Variants in KDM4C observed in about 807,000 individuals in gnomAD.
KDM4C encodes the protein lysine-specific demethylase 4C.
A neutral mutation model predicts 129.3 loss-of-function variants in KDM4C; 81 were observed. The observed-to-expected ratio is 0.63, with a 90% CI of 0.52 to 0.75. KDM4C has a LOEUF of 0.75. Ranked by LOEUF, KDM4C falls within the 30% of genes least tolerant of loss-of-function variation. The probability of loss-of-function intolerance (pLI) is 0.00; values close to 1 mark genes in which losing one functional copy is unlikely to be tolerated. For missense variants in KDM4C, 1,457 were observed against 1,304.0 expected (o/e 1.12, Z -1.81); for synonymous variants, 573 against 456.1 (o/e 1.26, Z -3.26).
intron 8 of KDM4C, among the ~76,000 whole-genome samples, chr9:6,971,566 A>G (rs1279787509): frequency 2.0e-5 from 3 of 152,202 alleles, no homozygotes; most frequent in East Asian, 1.9e-4. Context: ...CATTACATCA[A>G]TGATGATTCT....
rs149941582 is a variant in KDM4C at position 6,953,196 on chromosome 9, C to A, written c.922-27729C>A. Among the ~76,000 whole-genome samples the A allele has an allele frequency of 3.2e-3, 485 of 152,288 alleles. 2 individuals are homozygous for A. The highest frequency in any genetic ancestry group is 0.01 in the African/African-American group (431 of 41,562). On this transcript the variant is annotated intron_variant, in intron 8 of 21. Transcript: ENST00000381309. ...ATGAATGGATATTTATTATGAAAAGCATCAGACATCTCCCTTTCACTCAAA... is the reference window on the plus strand; with the variant it reads ...ATGAATGGATATTTATTATGAAAAGAATCAGACATCTCCCTTTCACTCAAA...
chr9:6,855,219 G>T (rs890969465), intron 5 of KDM4C, among the ~76,000 whole-genome samples: 3 of 152,138 alleles, frequency 2.0e-5, no homozygotes, highest in African/African-American at 4.8e-5. Flanking sequence ...CCAGCACTTT[G>T]GGAGGCTGAG....
intron 19 of KDM4C, among the ~76,000 whole-genome samples, chr9:7,163,370 G>A (rs1844011591): frequency 6.6e-6 from 1 of 152,160 alleles, no homozygotes; most frequent in South Asian, 2.1e-4. Flanking sequence ...GCACTGCAGA[G>A]CACCATGGCA....
chr9:6,730,528 TG>T (rs1656133968), intron 1 of KDM4C, among the ~76,000 whole-genome samples: 1 of 150,616 alleles, frequency 6.6e-6, no homozygotes, highest in Non-Finnish European at 1.5e-5. Context: ...GGCAGGAGAA[TG>T]GCGTGAACCC....
intron 8 of KDM4C, among the ~76,000 whole-genome samples, chr9:6,899,325 G>A (rs192721334): frequency 6.6e-6 from 1 of 152,078 alleles, no homozygotes. Flanking sequence ...CTACAATGAT[G>A]CATCATTATC....
chr9:6,951,080 G>C (rs895695446), intron 8 of KDM4C, among the ~76,000 whole-genome samples: 7 of 150,914 alleles, frequency 4.6e-5, no homozygotes, highest in African/African-American at 1.7e-4. Context: ...ATATTCATTG[G>C]GTACATAGTG....
Position 7,020,850 on chromosome 9 carries a change from C to T in KDM4C, c.2259+4921C>T, listed in dbSNP as rs142108048. ...ACTCATTGCGTTACTTTAAAATGTA[C>T]AATTAAATTATTTTTGACTGTAGTC... On this transcript the variant is annotated intron_variant, in intron 15 of 21. Transcript: ENST00000381309. Among the ~76,000 whole-genome samples, 131 of 151,476 alleles carry T rather than the reference C, an allele frequency of 8.6e-4. 1 individual carries two copies. The highest frequency in any genetic ancestry group is 2.9e-3 in the African/African-American group (121 of 41,358).
At chr9:6,930,416 G>A (rs11788187) in intron 8 of KDM4C, among the ~76,000 whole-genome samples, 38,294 of 151,548 alleles carry the variant, frequency 0.25, 5,342 homozygotes, top group South Asian at 0.39. Flanking sequence ...TAAAGCACGC[G>A]TTGAATTTAG....
chr9:7,030,574 G>A (rs1826561073), intron 15 of KDM4C, among the ~76,000 whole-genome samples: 1 of 152,004 alleles, frequency 6.6e-6, no homozygotes, highest in Admixed American at 6.6e-5. Context: ...AGAGATAATT[G>A]GGAAGTTTCT....
chr9:6,742,122 G>A (rs1164595148), intron 1 of KDM4C, among the ~76,000 whole-genome samples: 5 of 151,830 alleles, frequency 3.3e-5, no homozygotes, highest in East Asian at 1.9e-4. Flanking sequence ...AGAGGTGTGT[G>A]CCACCATGCC....
Position 6,880,046 on chromosome 9 carries a change from G to T in KDM4C, c.664G>T (p.Glu222Ter). The T allele has an allele frequency of 6.2e-7, 1 of 1,600,352 alleles. No homozygotes were observed. Among genetic ancestry groups the T allele is most frequent in the South Asian group, 1.1e-5 (1 of 89,340 alleles). ...AIPPEHGKRLERLAQGFFPSS... is the reference protein window; with the variant it reads ...AIPPEHGKRL The stretch of plus-strand genomic sequence containing the variant: ...ACCTCCGGAGCATGGAAAACGACTT[G>T]AAAGACTAGCTCAAGGTAAAACTTG... Residue 222 changes from glutamate to a stop codon, truncating the protein, a stop_gained, in exon 6 of 22, where the codon GAA (glutamate) becomes TAA (stop). Coordinates refer to ENST00000381309, the MANE Select transcript of KDM4C (RefSeq NM_015061.6). LOFTEE classifies it high-confidence loss of function.
intron 17 of KDM4C, among the ~76,000 whole-genome samples, chr9:7,055,796 C>T (rs545069973): frequency 6.6e-6 from 1 of 152,260 alleles, no homozygotes; most frequent in East Asian, 1.9e-4. Flanking sequence ...ATAGGGTCTG[C>T]CTCTTGTGCT....
chr9:7,136,758 C>T (rs185304244), intron 19 of KDM4C, among the ~76,000 whole-genome samples: 138 of 152,292 alleles, frequency 9.1e-4, no homozygotes, highest in Admixed American at 2.8e-3. Context: ...AACACTTTCT[C>T]CTGGTTCGTG....
At chr9:6,819,287 T>C (rs1356340116) in intron 4 of KDM4C, among the ~76,000 whole-genome samples, 1 of 152,238 alleles carries the variant, frequency 6.6e-6, no homozygotes, top group Non-Finnish European at 1.5e-5. Flanking sequence ...GCTTATCAAT[T>C]TACTGCTTGT....
intron 4 of KDM4C, among the ~76,000 whole-genome samples, chr9:6,828,501 C>T (rs1373834242): frequency 6.6e-6 from 1 of 152,072 alleles, no homozygotes; most frequent in African/African-American, 2.4e-5. Context: ...GTTGGGCTGC[C>T]ACTTGAGGTA....
chr9:6,800,534 C>CA (rs932367061), intron 2 of KDM4C, among the ~76,000 whole-genome samples: 6 of 149,398 alleles, frequency 4.0e-5, no homozygotes, highest in African/African-American at 4.9e-5. Flanking sequence ...GTCCCTGTCT[C>CA]AAAAAAAAAG....
intron 18 of KDM4C, among the ~76,000 whole-genome samples, chr9:7,111,420 A>G (rs1339124637): frequency 6.6e-6 from 1 of 152,208 alleles, no homozygotes; most frequent in African/African-American, 2.4e-5. Context: ...TCTGCTCCCA[A>G]GCATTTTGGA....
intron 17 of KDM4C, among the ~76,000 whole-genome samples, chr9:7,055,285 C>G (rs1031427391): frequency 2.6e-5 from 4 of 152,144 alleles, no homozygotes; most frequent in African/African-American, 9.7e-5. Flanking sequence ...TTAGACCTTT[C>G]TAGGACTTTT....
intron 1 of KDM4C, among the ~76,000 whole-genome samples, chr9:6,731,325 CTTTT>C (rs34724329): frequency 6.0e-4 from 68 of 114,024 alleles, no homozygotes; most frequent in African/African-American, 2.1e-3. Flanking sequence ...TTTTTTTTTG[CTTTT>C]TTTTTTTTTT....
Sources: allele counts gnomAD v4.1 joint callset (sites outside exome capture counted in the v4.1 genomes callset), GRCh38; gene constraint gnomAD v4.1.1; transcripts MANE v1.5; gene names NCBI Gene and HGNC (gene_info 2026-07-23, HGNC 2026-07-21).